The following VKORC1L1 variants were observed in gnomAD, a reference collection of about 807,000 sequenced individuals.
The protein encoded by VKORC1L1 is vitamin K epoxide reductase complex subunit 1-like protein 1.
Under a neutral mutation model 18.9 loss-of-function variants are expected in VKORC1L1, and 2 were observed. The ratio of observed to expected loss-of-function variants is 0.11; its 90% CI spans 0.04 to 0.33. VKORC1L1 has a LOEUF of 0.33. VKORC1L1 is among the 10% of genes least tolerant of loss of function. The probability of loss-of-function intolerance (pLI) is 1.00; values close to 1 mark genes in which losing one functional copy is unlikely to be tolerated. For synonymous variants in VKORC1L1, 96 were observed against 100.0 expected (o/e 0.96, Z 0.24); for missense variants, 123 against 224.1 (o/e 0.55, Z 2.88).
intron 1 of VKORC1L1, among the ~76,000 whole-genome samples, chr7:65,909,688 CTTTGTGTGTG>C (rs1208071624): frequency 1.2e-4 from 10 of 81,080 alleles, no homozygotes; most frequent in African/African-American, 4.7e-4. Context: ...TTGTTTTAGC[CTTTGTGTGTG>C]TGTGTGTGTG....
intron 1 of VKORC1L1, among the ~76,000 whole-genome samples, chr7:65,883,963 C>A (rs573994412): frequency 1.3e-5 from 2 of 152,238 alleles, no homozygotes; most frequent in South Asian, 4.1e-4. Context: ...GATTACCGAT[C>A]CTTTTAAAAA....
intron 2 of VKORC1L1, among the ~76,000 whole-genome samples, chr7:65,952,843 T>TG (rs1790235605): frequency 7.9e-6 from 1 of 125,830 alleles, no homozygotes; most frequent in Non-Finnish European, 1.6e-5. Flanking sequence ...TGGAGTCCAC[T>TG]GGTGCAATCT....
intron 1 of VKORC1L1, among the ~76,000 whole-genome samples, chr7:65,884,785 A>G (rs1788985811): frequency 6.6e-6 from 1 of 152,108 alleles, no homozygotes. Context: ...TTGTCATGTT[A>G]TTGTTTTGAT....
At chr7:65,920,922 G>A (rs1789665069) in intron 1 of VKORC1L1, among the ~76,000 whole-genome samples, 1 of 151,986 alleles carries the variant, frequency 6.6e-6, no homozygotes, top group Non-Finnish European at 1.5e-5. Context: ...AGAAAAAGGA[G>A]AAGGAAAGAA....
At chr7:65,951,008 G>T (rs982714943) in intron 2 of VKORC1L1, among the ~76,000 whole-genome samples, 1 of 152,174 alleles carries the variant, frequency 6.6e-6, no homozygotes, top group Middle Eastern at 3.2e-3. Context: ...GAAGATAGAG[G>T]TGTGACAGCC....
chr7:65,889,481 A>T (rs1164410590), intron 1 of VKORC1L1, among the ~76,000 whole-genome samples: 1 of 152,188 alleles, frequency 6.6e-6, no homozygotes, highest in East Asian at 1.9e-4. Context: ...CACCAAATTC[A>T]ATCAATCACC....
intron 1 of VKORC1L1, among the ~76,000 whole-genome samples, chr7:65,930,927 A>G (rs1789847140): frequency 6.6e-6 from 1 of 152,170 alleles, no homozygotes; most frequent in African/African-American, 2.4e-5. Context: ...AGAGAAATTT[A>G]ATCATGAATA....
At position 65,954,350 on chromosome 7, in the gene VKORC1L1, T is replaced by C. The variant is rs1383833049; in HGVS notation, c.*50T>C. The C allele has an allele frequency of 6.3e-7, 1 of 1,594,218 alleles. No homozygotes were observed. The highest frequency in any genetic ancestry group is 2.3e-5 in the East Asian group (1 of 44,364). On this transcript the variant is annotated 3_prime_UTR_variant, in exon 3 of 3. Transcript: ENST00000360768. ...GTCTCAAGCCCCTTTCCATTCAGTT[T>C]ATTTTGCAGCAGGTTTTTATTATTA...
At chr7:65,947,186 A>T (rs1790134340) in intron 1 of VKORC1L1, among the ~76,000 whole-genome samples, 1 of 152,166 alleles carries the variant, frequency 6.6e-6, no homozygotes, top group South Asian at 2.1e-4. Context: ...TAATTCTACA[A>T]TAAAAATCTT....
intron 1 of VKORC1L1, among the ~76,000 whole-genome samples, chr7:65,931,756 C>T (rs1384775018): frequency 6.6e-6 from 1 of 152,060 alleles, no homozygotes; most frequent in Admixed American, 6.6e-5. Flanking sequence ...ATTCTCATGC[C>T]TTGACCTGCA....
chr7:65,922,174 C>A (rs1361233424), intron 1 of VKORC1L1, among the ~76,000 whole-genome samples: 1 of 123,132 alleles, frequency 8.1e-6, no homozygotes, highest in Non-Finnish European at 1.8e-5. Flanking sequence ...CTCCACAAGA[C>A]ATTTTGTTTG....
At chr7:65,953,037 T>A (rs1264503276) in intron 2 of VKORC1L1, among the ~76,000 whole-genome samples, 2 of 152,088 alleles carry the variant, frequency 1.3e-5, no homozygotes, top group Non-Finnish European at 2.9e-5. Context: ...CCTCAAATGA[T>A]CTGCCTGCCT....
chr7:65,919,494 C>G (rs138723142), intron 1 of VKORC1L1, among the ~76,000 whole-genome samples: 1 of 152,310 alleles, frequency 6.6e-6, no homozygotes, highest in East Asian at 1.9e-4. Context: ...AACTTTTCTT[C>G]CCAGCTAGTA....
chr7:65,898,084 T>TG (rs1789246757), intron 1 of VKORC1L1, among the ~76,000 whole-genome samples: 1 of 101,708 alleles, frequency 9.8e-6, no homozygotes, highest in Non-Finnish European at 2.0e-5. Context: ...CAGGTTTTTT[T>TG]TTTTTTTTTT....
chr7:65,941,822 G>A (rs185274445), intron 1 of VKORC1L1, among the ~76,000 whole-genome samples: 3 of 151,646 alleles, frequency 2.0e-5, no homozygotes, highest in Middle Eastern at 3.2e-3. Flanking sequence ...ACTATAAGGC[G>A]AGTGCTACCA....
rs370723433 is a variant in VKORC1L1, at chr7:65,914,864, A to G, written c.195-33807A>G. Among the ~76,000 whole-genome samples, 80 of 152,124 alleles carry G rather than the reference A, an allele frequency of 5.3e-4. 1 individual carries two copies. Among genetic ancestry groups the G allele is most frequent in the African/African-American group, 1.9e-3 (80 of 41,528 alleles). On this transcript the variant is annotated intron_variant, in intron 1 of 2. Transcript: ENST00000360768. ...ACAAAAAATAACAAAAATTAGCTGG[A>G]TGTGGTGGCACATGCCTTGTGGTCC...
intron 1 of VKORC1L1, among the ~76,000 whole-genome samples, chr7:65,916,238 A>G (rs1280668815): frequency 1.3e-5 from 2 of 152,084 alleles, no homozygotes; most frequent in African/African-American, 4.8e-5. Context: ...GCCAGTTTTG[A>G]AAATAATGAG....
In VKORC1L1 at chr7:65,881,647, C is replaced by T. The variant is rs879627101; in HGVS notation, c.194+8082C>T. Among the ~76,000 whole-genome samples the T allele has an allele frequency of 1.9e-4, 29 of 152,254 alleles. 1 individual carries two copies. Among genetic ancestry groups the T allele is most frequent in the Admixed American group, 1.6e-3 (24 of 15,284 alleles). ...CACACATACTGCATATAAATCCTAG[C>T]GTACTCAAGTCCCATTTTGCATACA... On this transcript the variant is annotated intron_variant, in intron 1 of 2. Transcript: ENST00000360768.
the VKORC1L1 span, among the ~76,000 whole-genome samples, chr7:65,867,924 G>A: frequency 2.0e-5 from 3 of 152,196 alleles, no homozygotes. Context: ...TCGACTCACT[G>A]CAACTTCCAC....
Sources: gnomAD v4.1 joint callset for allele counts (sites outside exome capture counted in the v4.1 genomes callset) on GRCh38, gnomAD v4.1.1 for gene constraint, MANE v1.5 for transcripts, NCBI Gene and HGNC (gene_info 2026-07-23, HGNC 2026-07-21) for gene names.